The following FARP1 variants were observed in gnomAD, a reference collection of about 807,000 sequenced individuals.
FARP1 encodes the protein FERM, ARH/RhoGEF and pleckstrin domain protein 1, also known as FERM, ARHGEF and pleckstrin domain-containing protein 1.
In FARP1, 52 loss-of-function variants were observed where a neutral mutation model predicts 128.8. The ratio of observed to expected loss-of-function variants is 0.40; its 90% CI spans 0.32 to 0.51. The LOEUF is 0.51. Ranked by LOEUF, FARP1 falls within the 20% of genes least tolerant of loss-of-function variation. FARP1 has a pLI of 0.45. For missense variants in FARP1, 1,333 were observed against 1,367.9 expected (o/e 0.97, Z 0.40); for synonymous variants, 580 against 551.8 (o/e 1.05, Z -0.72).
intron 2 of FARP1, among the ~76,000 whole-genome samples, chr13:98,261,083 G>A (rs1883855964): frequency 6.6e-6 from 1 of 152,222 alleles, no homozygotes; most frequent in African/African-American, 2.4e-5. Flanking sequence ...TCTGGTGTCC[G>A]CATCCTATGG....
intron 3 of FARP1, 37 bp downstream of exon 3, chr13:98,343,903 C>A: frequency 1.5e-6 from 2 of 1,363,240 alleles, no homozygotes; most frequent in South Asian, 1.2e-5. Context: ...ATTTTACTGT[C>A]TGTTCATCTT....
chr13:98,385,520 G>A, intron 7 of FARP1, 147 bp from the exon 8 acceptor site: 1 of 792,912 alleles, frequency 1.3e-6, no homozygotes, highest in Non-Finnish European at 2.1e-6. Flanking sequence ...TACAGTGAAT[G>A]GGAGATTGGG....
chr13:98,151,512 A>G (rs1180675272), intron 1 of FARP1, among the ~76,000 whole-genome samples: 10 of 152,138 alleles, frequency 6.6e-5, no homozygotes, highest in East Asian at 1.9e-4. Context: ...CAGAAGATCA[A>G]TGATAAACAT....
intron 2 of FARP1, among the ~76,000 whole-genome samples, chr13:98,325,298 T>TG (rs1887183147): frequency 6.6e-6 from 1 of 152,230 alleles, no homozygotes; most frequent in Non-Finnish European, 1.5e-5. Context: ...ATTACTAACT[T>TG]GGTTAATAAA....
chr13:98,177,257 A>G (rs371853234), intron 1 of FARP1: 13 of 1,527,064 alleles, frequency 8.5e-6, no homozygotes, highest in East Asian at 6.8e-5. Flanking sequence ...CAGGCTCCCA[A>G]CGGCCGTGGC....
At chr13:98,177,368 C>T in intron 1 of FARP1, 6 of 665,026 alleles carry the variant, frequency 9.0e-6, no homozygotes, top group South Asian at 2.5e-5. Context: ...TCTGCTAGGC[C>T]AGGCGCGGTG....
chr13:98,326,801 T>C (rs188809561), intron 2 of FARP1, among the ~76,000 whole-genome samples: 1 of 152,358 alleles, frequency 6.6e-6, no homozygotes, highest in Admixed American at 6.5e-5. Flanking sequence ...TTTTGCTGCC[T>C]GTGTCAGCTA....
intron 2 of FARP1, among the ~76,000 whole-genome samples, chr13:98,305,234 G>C (rs1026634842): frequency 1.3e-5 from 2 of 151,770 alleles, no homozygotes; most frequent in African/African-American, 4.8e-5. Flanking sequence ...TGTGATCCTA[G>C]TACTGGCTGC....
intron 1 of FARP1, chr13:98,204,014 C>T (rs1880114075): frequency 6.6e-6 from 1 of 152,194 alleles, no homozygotes. Context: ...CGGGGATGGT[C>T]GTCCTCTTCT....
At chr13:98,252,764 AG>A (rs936366793) in intron 2 of FARP1, among the ~76,000 whole-genome samples, 3 of 152,234 alleles carry the variant, frequency 2.0e-5, no homozygotes, top group Non-Finnish European at 4.4e-5. Context: ...GAAAGTGTCC[AG>A]TGTTGTTCTT....
chr13:98,213,561 C>T (rs1451375781), intron 2 of FARP1, 148 bp downstream of exon 2: 52 of 782,760 alleles, frequency 6.6e-5, no homozygotes, highest in Non-Finnish European at 8.7e-5. Context: ...CCAATGGCCC[C>T]GCTGACCCGT....
rs149181214 is a variant in FARP1 at position 98,245,862 on chromosome 13, G to A, written c.171+32449G>A. On this transcript the variant is annotated intron_variant, in intron 2 of 26. Coordinates refer to ENST00000319562, the MANE Select transcript of FARP1 (RefSeq NM_005766.4). The stretch of plus-strand genomic sequence containing the variant: ...CGGCTCACAGCAACCTCCGCCTCCC[G>A]GGTTCAAGCAATTCTCCTGCCTCAG... 5.0e-3 allele frequency among the ~76,000 whole-genome samples: 751 copies of A among 151,588 alleles called. 7 individuals are homozygous for A. The highest frequency in any genetic ancestry group is 0.017 in the African/African-American group (716 of 41,308).
intron 16 of FARP1, among the ~76,000 whole-genome samples, chr13:98,416,897 A>G (rs1228889098): frequency 6.6e-6 from 1 of 152,174 alleles, no homozygotes; most frequent in East Asian, 1.9e-4. Flanking sequence ...GGAATTGGCT[A>G]TGGGGTGCAC....
chr13:98,403,713 C>T (rs1430918215), intron 13 of FARP1: 1 of 152,158 alleles, frequency 6.6e-6, no homozygotes, highest in African/African-American at 2.4e-5. Flanking sequence ...GTCAATAAAG[C>T]ATGGACTCAT....
chr13:98,384,443 C>G (rs1890021303), intron 6 of FARP1: 2 of 401,188 alleles, frequency 5.0e-6, no homozygotes, highest in Non-Finnish European at 9.1e-6. Flanking sequence ...TCCACCCGTC[C>G]TGGACTCCCA....
chr13:98,350,398 G>A (rs1295488398), intron 3 of FARP1, among the ~76,000 whole-genome samples: 3 of 152,112 alleles, frequency 2.0e-5, no homozygotes, highest in Non-Finnish European at 4.4e-5. Flanking sequence ...TACTGTTCCC[G>A]CTCTGTCCGT....
In FARP1 at chr13:98,218,861, A is replaced by G. The variant is rs1042968708; in HGVS notation, c.171+5448A>G. On this transcript the variant is annotated intron_variant, in intron 2 of 26. Coordinates refer to ENST00000319562, the MANE Select transcript of FARP1 (RefSeq NM_005766.4). Reference sequence around the variant, plus strand: ...ATTATTAGTAGAAAATTCAAGTTTAAGTTGAAATCAGAGAAGACCTAAAGT... The same window carrying G: ...ATTATTAGTAGAAAATTCAAGTTTAGGTTGAAATCAGAGAAGACCTAAAGT... Among the ~76,000 whole-genome samples, 152 of 152,208 alleles carry G rather than the reference A, an allele frequency of 1.0e-3. 1 individual carries two copies. Among genetic ancestry groups the G allele is most frequent in the African/African-American group, 3.6e-3 (148 of 41,446 alleles).
At chr13:98,362,037 G>A (rs1412986549) in intron 3 of FARP1, among the ~76,000 whole-genome samples, 1 of 152,202 alleles carries the variant, frequency 6.6e-6, no homozygotes, top group Non-Finnish European at 1.5e-5. Flanking sequence ...GCCGAGGCAG[G>A]TGGATTGCTT....
intron 16 of FARP1, among the ~76,000 whole-genome samples, chr13:98,414,484 A>C (rs1891304636): frequency 6.6e-6 from 1 of 152,164 alleles, no homozygotes; most frequent in African/African-American, 2.4e-5. Flanking sequence ...AGTGTGAATG[A>C]GTTTAGTATG....
Sources: allele counts gnomAD v4.1 joint callset (sites outside exome capture counted in the v4.1 genomes callset), GRCh38; gene constraint gnomAD v4.1.1; transcripts MANE v1.5; gene names NCBI Gene and HGNC (gene_info 2026-07-23, HGNC 2026-07-21).